The following HMMR variants were observed in gnomAD, a reference collection of about 807,000 sequenced individuals.
HMMR encodes hyaluronan mediated motility receptor, also known as intracellular hyaluronic acid-binding protein.
In HMMR, 108 loss-of-function variants were observed where a neutral mutation model predicts 101.0. The ratio of observed to expected loss-of-function variants is 1.07; its 90% CI spans 0.92 to 1.25. The LOEUF is 1.25. Among genes scored for constraint, HMMR ranks in the 50% most tolerant of loss-of-function variants. The pLI, the probability that HMMR is intolerant of heterozygous loss-of-function variation, is 0.00. For missense variants in HMMR, 813 were observed against 788.7 expected (o/e 1.03, Z -0.37); for synonymous variants, 296 against 276.4 (o/e 1.07, Z -0.70).
At chr5:163,466,724 T>C (rs139803443) in intron 3 of HMMR, among the ~76,000 whole-genome samples, 341 of 152,258 alleles carry the variant, frequency 2.2e-3, no homozygotes, top group African/African-American at 7.5e-3. Flanking sequence ...AAACATCTCA[T>C]TGATAATTTT....
chr5:163,490,330 C>A, intron 16 of HMMR, 60 bp from the exon 17 acceptor site: 1 of 1,157,850 alleles, frequency 8.6e-7, no homozygotes. Flanking sequence ...ACATTGGTAA[C>A]ACATTTCACT....
intron 12 of HMMR, among the ~76,000 whole-genome samples, chr5:163,482,075 T>C (rs1217115443): frequency 6.6e-6 from 1 of 151,976 alleles, no homozygotes; most frequent in Non-Finnish European, 1.5e-5. Context: ...ACCACCACGC[T>C]TGGCTAATTT....
intron 11 of HMMR, among the ~76,000 whole-genome samples, chr5:163,477,097 A>G (rs1036206227): frequency 1.3e-5 from 2 of 152,132 alleles, no homozygotes; most frequent in Non-Finnish European, 1.5e-5. Context: ...TTTCTGCCAC[A>G]TTATGTTTCC....
At chr5:163,474,451 A>T (rs2113481640) in intron 10 of HMMR, 1 of 495,556 alleles carries the variant, frequency 2.0e-6, no homozygotes, top group South Asian at 1.7e-5. Flanking sequence ...TTTTTAAAAA[A>T]TTTTCTGGCT....
At chr5:163,475,130 A>G (rs753981416) in intron 10 of HMMR, among the ~76,000 whole-genome samples, 17 of 152,046 alleles carry the variant, frequency 1.1e-4, no homozygotes, top group Non-Finnish European at 2.2e-4. Context: ...GGAAATCACC[A>G]CACACTTTTT....
Position 163,482,798 on chromosome 5 carries a change from G to A in HMMR, c.1532+10G>A. On this transcript the variant is annotated intron_variant, in intron 13 of 17. Transcript: ENST00000393915. Reference sequence around the variant, plus strand: ...ATCAAGAATATGTAAGGTATATAGAGCAAATAATGGCCTTAGAACCATTAA... The same window carrying A: ...ATCAAGAATATGTAAGGTATATAGAACAAATAATGGCCTTAGAACCATTAA... The A allele has an allele frequency of 3.1e-6, 5 of 1,606,810 alleles. No individual in the cohort carries two copies. Among genetic ancestry groups the A allele is most frequent in the Non-Finnish European group, 4.3e-6 (5 of 1,173,980 alleles).
chr5:163,490,013 C>T (rs1759629509), intron 16 of HMMR, among the ~76,000 whole-genome samples: 1 of 152,164 alleles, frequency 6.6e-6, no homozygotes, highest in African/African-American at 2.4e-5. Context: ...TGCTATTTTT[C>T]CCTTAGGTCA....
rs1049307728 is a variant in HMMR, at chr5:163,468,182, A to G, written c.273+434A>G. ...CTAACTCGATGCATTGCTCTGCACA[A>G]TAGGTATAGGCCTTCCTCATGGGTG... On this transcript the variant is annotated intron_variant, in intron 4 of 17. Coordinates refer to ENST00000393915, the MANE Select transcript of HMMR (RefSeq NM_001142556.2). Among the ~76,000 whole-genome samples, 7 of 152,228 alleles carry G rather than the reference A, an allele frequency of 4.6e-5. No homozygotes were observed. The East Asian group carries it at 1.2e-3, about 25-fold the overall frequency.
At chr5:163,488,324 G>A (rs1489954150) in intron 16 of HMMR, among the ~76,000 whole-genome samples, 1 of 152,042 alleles carries the variant, frequency 6.6e-6, no homozygotes, top group Admixed American at 6.6e-5. Context: ...TTGTTTAATG[G>A]CTGAAAAATC....
chr5:163,471,446 C>A lies in HMMR; in HGVS notation c.633C>A (p.Ala211=). Residue 211 remains alanine (A), a synonymous_variant, in exon 7 of 18, where the codon GCC becomes GCA. Transcript: ENST00000393915. The part of the protein sequence containing the change: ...RSLEESQGKI[A]QLEGKLVSIE... ...TCGAAGAGTCTCAAGGGAAAATAGC[C>A]CAACTGGAGGGAAAACTGTAAGTGA... The A allele has an allele frequency of 6.2e-7, 1 of 1,611,250 alleles. No individual in the cohort carries two copies. The highest frequency in any genetic ancestry group is 1.1e-5 in the South Asian group (1 of 90,982).
chr5:163,464,050 T>C, intron 2 of HMMR, 96 bp downstream of exon 2: 1 of 449,466 alleles, frequency 2.2e-6, no homozygotes, highest in South Asian at 7.0e-5. Flanking sequence ...TTTTTTAAAA[T>C]GTGAAGCTAG....
chr5:163,480,340 G>A (rs1176624535), intron 12 of HMMR, among the ~76,000 whole-genome samples: 1 of 152,020 alleles, frequency 6.6e-6, no homozygotes, highest in Admixed American at 6.6e-5. Flanking sequence ...CGTTTCCTGG[G>A]ACTTATTTTT....
intron 3 of HMMR, among the ~76,000 whole-genome samples, chr5:163,465,708 C>T (rs1346090740): frequency 6.6e-6 from 1 of 151,972 alleles, no homozygotes; most frequent in Admixed American, 6.6e-5. Flanking sequence ...CCTATAATCC[C>T]AGCACTTTGG....
rs774407643 is a variant in HMMR at position 163,490,512 on chromosome 5, A to G, written c.2085A>G (p.Glu695=). The G allele has an allele frequency of 1.1e-5, 18 of 1,603,442 alleles. No individual in the cohort carries two copies. Among genetic ancestry groups the G allele is most frequent in the Non-Finnish European group, 1.4e-5 (16 of 1,177,022 alleles). The change falls in exon 17 of 18, where the codon GAA becomes GAG. Residue 695 remains glutamate, a synonymous_variant. Transcript: ENST00000393915. ...HFDPSKAFHH[E]SKENFALKTP... is the part of the protein sequence containing the mutation. ...ATCCTTCAAAGGCTTTTCATCATGA[A>G]AGTAAAGAAAATTTTGCCCTGAAGA...
rs1485985246 is a variant in HMMR at position 163,475,556 on chromosome 5, T to G, written c.1152T>G (p.Asp384Glu). The G allele has an allele frequency of 6.2e-7, 1 of 1,611,538 alleles. No individual in the cohort carries two copies. Among genetic ancestry groups the G allele is most frequent in the South Asian group, 1.1e-5 (1 of 90,998 alleles). The stretch of plus-strand genomic sequence containing the variant: ...AGGAAGAATTAAAGCAAACACTGGA[T>G]GAGCTTGATAAATTACAGCAAAAGG... Reference protein sequence around the residue: ...LFEEELKQTLDELDKLQQKEE... With the variant: ...LFEEELKQTLEELDKLQQKEE... Residue 384 changes from aspartate (D) to glutamate (E), a missense_variant, in exon 11 of 18, where the codon GAT (aspartate) becomes GAG (glutamate). Asp to Glu is a conservative substitution (Grantham distance 45, BLOSUM62 2). Coordinates refer to ENST00000393915, the MANE Select transcript of HMMR (RefSeq NM_001142556.2).
At chr5:163,463,829 T>C in intron 1 of HMMR, 27 bp from the exon 2 acceptor site, 1 of 861,486 alleles carries the variant, frequency 1.2e-6, no homozygotes, top group South Asian at 2.2e-5. Flanking sequence ...CATTAGATAA[T>C]ATATTAATGT....
At chr5:163,469,559 C>A (rs1316942531) in intron 4 of HMMR, 82 bp from the exon 5 acceptor site, 3 of 1,147,902 alleles carry the variant, frequency 2.6e-6, no homozygotes, top group Admixed American at 4.4e-5. Context: ...TTTCCAGAAA[C>A]TTTAGGGGTG....
rs766395785 is a variant in HMMR at position 163,469,820 on chromosome 5, A to G, written c.453A>G (p.Leu151=). 1.3e-6 allele frequency: 2 copies of G among 1,584,834 alleles called. No homozygotes were observed. The highest frequency in any genetic ancestry group is 1.7e-4 in the Middle Eastern group (1 of 6,020). The change falls in exon 5 of 18, where the codon CTA becomes CTG. Residue 151 remains leucine, a synonymous_variant. Transcript: ENST00000393915. ...LIELTRTNEL[L]KSKFSENGNQ... is the part of the protein sequence containing the mutation. The stretch of plus-strand genomic sequence containing the variant: ...AATTGACCAGGACTAATGAACTACT[A>G]AAATCTAAGGTATCTGAGCCTCATG...
chr5:163,490,694 C>A, intron 17 of HMMR, 142 bp downstream of exon 17: 1 of 663,770 alleles, frequency 1.5e-6, no homozygotes, highest in Non-Finnish European at 2.6e-6. Context: ...TTGTTGTGTA[C>A]AATGACTGTT....
Sources: allele counts gnomAD v4.1 joint callset (sites outside exome capture counted in the v4.1 genomes callset), GRCh38; gene constraint gnomAD v4.1.1; transcripts MANE v1.5; gene names NCBI Gene and HGNC (gene_info 2026-07-23, HGNC 2026-07-21).